The following EPB41L1 variants were observed in gnomAD, a reference collection of about 807,000 sequenced individuals.
The protein encoded by EPB41L1 is band 4.1-like protein 1.
A neutral mutation model predicts 97.8 loss-of-function variants in EPB41L1; 29 were observed. The ratio of observed to expected loss-of-function variants is 0.30; its 90% CI spans 0.22 to 0.40. The LOEUF (loss-of-function observed/expected upper bound fraction) is 0.40. Among genes scored for constraint, EPB41L1 ranks in the 10% least tolerant of loss-of-function variants. EPB41L1 has a pLI of 1.00. For missense variants in EPB41L1, 812 were observed against 1,162.3 expected, an observed-to-expected ratio of 0.70 and a Z score of 4.38; for synonymous variants, 383 against 459.2, an observed-to-expected ratio of 0.83 and a Z score of 2.12.
At chr20:36,165,882 C>T (rs1290573611) in intron 1 of EPB41L1, among the ~76,000 whole-genome samples, 2 of 152,252 alleles carry the variant, frequency 1.3e-5, no homozygotes, top group Non-Finnish European at 2.9e-5. Context: ...CATGAGCCCC[C>T]TGAGGTTGCT....
chr20:36,103,051 A>G (rs2058068007), intron 1 of EPB41L1, among the ~76,000 whole-genome samples: 1 of 152,156 alleles, frequency 6.6e-6, no homozygotes, highest in Admixed American at 6.5e-5. Context: ...CTCAGCTCAG[A>G]TGCCAGCCTA....
chr20:36,200,912 C>G, intron 14 of EPB41L1: 1 of 456,744 alleles, frequency 2.2e-6, no homozygotes, highest in Non-Finnish European at 4.4e-6. Flanking sequence ...GGACTTGGTA[C>G]CTGAGCCTGG....
At chr20:36,172,389 T>C (rs1328736396) in intron 1 of EPB41L1, among the ~76,000 whole-genome samples, 2 of 152,236 alleles carry the variant, frequency 1.3e-5, no homozygotes, top group African/African-American at 2.4e-5. Context: ...TATGTATGCA[T>C]ATTTTAAAAG....
In EPB41L1 at chr20:36,212,105, C is replaced by T. The variant is rs1314292755; in HGVS notation, c.2080-167C>T. Among the ~76,000 whole-genome samples, 3 of 152,216 alleles carry T rather than the reference C, an allele frequency of 2.0e-5. No individual in the cohort carries two copies. Among genetic ancestry groups the T allele is most frequent in the Non-Finnish European group, 4.4e-5 (3 of 68,034 alleles). ...CTGGCTCTCCTCGCGGGCTATCTGT[C>T]TATGATATCACACCACAACTCTTTT... On this transcript the variant is annotated intron_variant, in intron 15 of 21. Transcript: ENST00000338074. This position sits in a 1 kb window ranked among gnomAD's most constrained non-coding sequence, Gnocchi z 4.8.
In EPB41L1 at chr20:36,207,570, G is replaced by A; in HGVS notation, c.1669-1918G>A. On this transcript the variant is annotated intron_variant, in intron 14 of 21. Transcript: ENST00000338074. This position sits in a 1 kb window ranked among gnomAD's most constrained non-coding sequence, Gnocchi z 4.9. Reference sequence around the variant, plus strand: ...CCGTGGGACAAGCAGAGCAGCAGCGGAGTACGCTCTCAGACCTGGGCTTCG... The same window carrying A: ...CCGTGGGACAAGCAGAGCAGCAGCGAAGTACGCTCTCAGACCTGGGCTTCG... 7.8e-7 allele frequency: 1 copy of A among 1,289,934 alleles called. No homozygotes were observed. The highest frequency in any genetic ancestry group is 1.0e-6 in the Non-Finnish European group (1 of 988,886). The allele number at this position is 1,289,934 out of a possible 1,614,324, so 79.9% of individuals were successfully genotyped here.
intron 14 of EPB41L1, among the ~76,000 whole-genome samples, chr20:36,203,571 T>G (rs897922767): frequency 2.6e-5 from 4 of 152,226 alleles, no homozygotes; most frequent in African/African-American, 9.6e-5. Context: ...TGGCCATCAT[T>G]GCCAGGCGGA....
chr20:36,184,764 C>T (rs937988652), intron 6 of EPB41L1, among the ~76,000 whole-genome samples: 3 of 152,204 alleles, frequency 2.0e-5, no homozygotes, highest in Non-Finnish European at 2.9e-5. Flanking sequence ...AATTTTTCCA[C>T]AACATGAATA....
intron 2 of EPB41L1, among the ~76,000 whole-genome samples, chr20:36,129,055 C>G (rs1267451312): frequency 6.7e-6 from 1 of 150,106 alleles, no homozygotes; most frequent in East Asian, 2.0e-4. Context: ...ACTCTCTGGG[C>G]AAGCTTGTGT....
chr20:36,202,347 C>T (rs1012116602), intron 14 of EPB41L1, among the ~76,000 whole-genome samples: 8 of 152,324 alleles, frequency 5.3e-5, no homozygotes, highest in East Asian at 1.9e-4. Flanking sequence ...TCATTCTGCC[C>T]GCTGGTGCCC....
intron 1 of EPB41L1, among the ~76,000 whole-genome samples, chr20:36,101,237 G>A (rs2058006483): frequency 6.6e-6 from 1 of 151,972 alleles, no homozygotes; most frequent in African/African-American, 2.4e-5. Context: ...TCCACCAGAA[G>A]AAAAAAAGGA....
At chr20:36,228,565 A>G (rs2064319439) in intron 21 of EPB41L1, among the ~76,000 whole-genome samples, 1 of 152,216 alleles carries the variant, frequency 6.6e-6, no homozygotes, top group South Asian at 2.1e-4. Context: ...CAACATAGTA[A>G]GACTCGTCTG....
At chr20:36,219,194 T>C (rs906479664) in intron 18 of EPB41L1, among the ~76,000 whole-genome samples, 1 of 152,160 alleles carries the variant, frequency 6.6e-6, no homozygotes, top group Non-Finnish European at 1.5e-5. Context: ...TGGTGACATG[T>C]GAGGGTAAAG....
intron 14 of EPB41L1, among the ~76,000 whole-genome samples, chr20:36,202,745 G>T (rs114532541): frequency 6.6e-6 from 1 of 151,180 alleles, no homozygotes; most frequent in African/African-American, 2.4e-5. Flanking sequence ...CTCGGGAGGC[G>T]GCTGTCAGTG....
chr20:36,160,361 A>G (rs1279838662), intron 1 of EPB41L1, among the ~76,000 whole-genome samples: 4 of 152,214 alleles, frequency 2.6e-5, no homozygotes, highest in Non-Finnish European at 5.9e-5. Flanking sequence ...AGGCGGGTAG[A>G]TCACCTGAGG....
At chr20:36,124,929 G>C (rs1041919678) in intron 2 of EPB41L1, among the ~76,000 whole-genome samples, 1 of 152,120 alleles carries the variant, frequency 6.6e-6, no homozygotes, top group Non-Finnish European at 1.5e-5. Context: ...TACATGGTGG[G>C]TAGGGGAGGC....
At chr20:36,219,929 C>A in intron 19 of EPB41L1, 85 bp downstream of exon 19, 1 of 1,196,084 alleles carries the variant, frequency 8.4e-7, no homozygotes, top group Non-Finnish European at 1.2e-6. Context: ...GCTTCGCCAT[C>A]TGTAAAGTGG....
intron 2 of EPB41L1, among the ~76,000 whole-genome samples, chr20:36,132,310 A>G (rs1256955437): frequency 1.3e-5 from 2 of 152,030 alleles, no homozygotes; most frequent in Non-Finnish European, 1.5e-5. Flanking sequence ...CAGGCCACCC[A>G]CATGCCTTGG....
In EPB41L1 at chr20:36,209,341, T is replaced by C; in HGVS notation, c.1669-147T>C. ...TGTTATGATTTCAAGGAACCTTTCCTGGGGTGTTTTTCATTTCCTGGCCTG... is the reference window on the plus strand; with the variant it reads ...TGTTATGATTTCAAGGAACCTTTCCCGGGGTGTTTTTCATTTCCTGGCCTG... On this transcript the variant is annotated intron_variant, in intron 14 of 21. Transcript: ENST00000338074. The surrounding 1 kb of genome is among the most constrained non-coding windows in gnomAD (Gnocchi z 4.2). 3 of 569,336 alleles carry C rather than the reference T, an allele frequency of 5.3e-6. 1 individual carries two copies. The highest frequency in any genetic ancestry group is 4.0e-5 in the South Asian group (2 of 49,692). The allele number at this position is 569,336 out of a possible 1,614,324, so 35.3% of individuals were successfully genotyped here. A position where few individuals can be genotyped will look rare whatever the true frequency, so the allele number is the denominator to read the frequency against.
intron 1 of EPB41L1, among the ~76,000 whole-genome samples, chr20:36,161,834 C>A (rs1469622265): frequency 6.6e-6 from 1 of 152,188 alleles, no homozygotes; most frequent in Non-Finnish European, 1.5e-5. Flanking sequence ...AGTCACAGCT[C>A]ACTGTGACCT....
Sources: allele counts gnomAD v4.1 joint callset (sites outside exome capture counted in the v4.1 genomes callset), GRCh38; gene constraint gnomAD v4.1.1; non-coding constraint Gnocchi (gnomAD v3.1); transcripts MANE v1.5; gene names NCBI Gene and HGNC (gene_info 2026-07-23, HGNC 2026-07-21).